ROBO2: variants seen among roughly 807,000 people sequenced by gnomAD.
The protein encoded by ROBO2 is roundabout homolog 2.
A neutral mutation model predicts 160.8 loss-of-function variants in ROBO2; 53 were observed. That is an observed-to-expected ratio of 0.33 (90% CI 0.26 to 0.41). The LOEUF is 0.41. Among genes scored for constraint, ROBO2 ranks in the 10% least tolerant of loss-of-function variants. The pLI, the probability that ROBO2 is intolerant of heterozygous loss-of-function variation, is 1.00. For missense variants in ROBO2, 1,577 were observed against 1,722.4 expected, an observed-to-expected ratio of 0.92 and a Z score of 1.49; for synonymous variants, 664 against 611.7, an observed-to-expected ratio of 1.09 and a Z score of -1.26.
chr3:76,069,507 A>ACAG (rs2068372834), intron 2 of ROBO2, among the ~76,000 whole-genome samples: 1 of 146,636 alleles, frequency 6.8e-6, no homozygotes, highest in African/African-American at 2.5e-5. Context: ...ATGAAGCCAG[A>ACAG]CAGCAGGCTT....
chr3:75,962,922 T>G (rs1037335499), intron 2 of ROBO2, among the ~76,000 whole-genome samples: 2 of 151,966 alleles, frequency 1.3e-5, no homozygotes, highest in African/African-American at 4.8e-5. Context: ...AGGTAGATTA[T>G]TTGAATGACT....
intron 2 of ROBO2, among the ~76,000 whole-genome samples, chr3:76,497,774 G>C (rs1225468079): frequency 6.6e-6 from 1 of 152,134 alleles, no homozygotes; most frequent in Admixed American, 6.5e-5. Flanking sequence ...TCCCAAACAG[G>C]AAATAATTCT....
intron 2 of ROBO2, among the ~76,000 whole-genome samples, chr3:76,707,633 AAGACCC>A (rs1468467036): frequency 1.3e-5 from 2 of 151,206 alleles, no homozygotes; most frequent in Non-Finnish European, 2.9e-5. Context: ...CCTAAATACT[AAGACCC>A]ATGGGATTTT....
intron 2 of ROBO2, among the ~76,000 whole-genome samples, chr3:77,256,561 A>T (rs2153320265): frequency 6.6e-6 from 1 of 152,316 alleles, no homozygotes; most frequent in East Asian, 1.9e-4. Context: ...TTCAGCAGAA[A>T]CATCTTGACA....
chr3:76,453,367 A>G (rs2077575396), intron 2 of ROBO2, among the ~76,000 whole-genome samples: 1 of 152,222 alleles, frequency 6.6e-6, no homozygotes, highest in South Asian at 2.1e-4. Flanking sequence ...GGTGTAAGGA[A>G]GCGATCCAGT....
At chr3:76,291,682 C>T (rs1708812031) in intron 2 of ROBO2, among the ~76,000 whole-genome samples, 2 of 152,178 alleles carry the variant, frequency 1.3e-5, no homozygotes, top group Admixed American at 1.3e-4. Context: ...TTCCTATTAA[C>T]ACTGCTTTAG....
intron 2 of ROBO2, among the ~76,000 whole-genome samples, chr3:77,100,628 C>T (rs2071782780): frequency 2.0e-5 from 3 of 151,828 alleles, no homozygotes; most frequent in South Asian, 2.1e-4. Context: ...TAATAGAAGG[C>T]GGATATCCAC....
chr3:77,499,451 C>T (rs2087230484), intron 5 of ROBO2, among the ~76,000 whole-genome samples: 2 of 151,996 alleles, frequency 1.3e-5, no homozygotes, highest in South Asian at 4.1e-4. Flanking sequence ...ACAATGGATG[C>T]ACATACATGG....
chr3:76,071,917 C>T (rs1437057208), intron 2 of ROBO2, among the ~76,000 whole-genome samples: 2 of 152,022 alleles, frequency 1.3e-5, no homozygotes, highest in Admixed American at 1.3e-4. Flanking sequence ...TCACTTTCTT[C>T]TTCATGTAAC....
At chr3:76,205,764 T>G (rs1371549900) in intron 2 of ROBO2, among the ~76,000 whole-genome samples, 1 of 152,138 alleles carries the variant, frequency 6.6e-6, no homozygotes, top group Non-Finnish European at 1.5e-5. Context: ...TGTTCACGGA[T>G]CTAAGAGTAT....
chr3:76,822,930 CA>C (rs1183178376), intron 2 of ROBO2, among the ~76,000 whole-genome samples: 1 of 151,846 alleles, frequency 6.6e-6, no homozygotes, highest in African/African-American at 2.4e-5. Context: ...ACAGGAAAAA[CA>C]AGGTATTTTT....
At chr3:76,803,429 A>AGGG (rs2064387704) in intron 2 of ROBO2, among the ~76,000 whole-genome samples, 2 of 142,420 alleles carry the variant, frequency 1.4e-5, no homozygotes, top group Non-Finnish European at 3.1e-5. Flanking sequence ...AGGATACAAA[A>AGGG]GAGGAGGAAG....
chr3:77,067,403 A>G (rs923223571), intron 1 of ROBO2, among the ~76,000 whole-genome samples: 1 of 152,302 alleles, frequency 6.6e-6, no homozygotes, highest in South Asian at 2.1e-4. Flanking sequence ...ACAAAAGTTA[A>G]GTCAGCAGAC....
At chr3:76,231,729 G>A (rs148185102) in intron 2 of ROBO2, among the ~76,000 whole-genome samples, 1 of 152,272 alleles carries the variant, frequency 6.6e-6, no homozygotes, top group African/African-American at 2.4e-5. Context: ...AAGAAACAAG[G>A]ATGAAGCAAT....
intron 2 of ROBO2, among the ~76,000 whole-genome samples, chr3:76,635,939 C>T (rs1553847353): frequency 6.6e-6 from 1 of 152,300 alleles, no homozygotes; most frequent in East Asian, 1.9e-4. Context: ...AGCATCAGCC[C>T]AGCCTGCTAG....
chr3:76,822,633 T>C (rs564677119), intron 2 of ROBO2, among the ~76,000 whole-genome samples: 78 of 151,942 alleles, frequency 5.1e-4, no homozygotes, highest in African/African-American at 1.8e-3. Flanking sequence ...TCATGATGAA[T>C]GATCATTTTC....
chr3:77,568,914 T>C (rs2093564882), intron 13 of ROBO2, among the ~76,000 whole-genome samples: 1 of 152,010 alleles, frequency 6.6e-6, no homozygotes, highest in Admixed American at 6.6e-5. Context: ...CAATATGTGG[T>C]CTTTTGTGTC....
At chr3:76,130,393 T>TA (rs1156970314) in intron 2 of ROBO2, among the ~76,000 whole-genome samples, 1 of 152,102 alleles carries the variant, frequency 6.6e-6, no homozygotes, top group Non-Finnish European at 1.5e-5. Context: ...GGAAAATATT[T>TA]CTCCATAAAA....
At chr3:77,095,419 G>A (rs1207611868) in intron 1 of ROBO2, among the ~76,000 whole-genome samples, 1 of 151,730 alleles carries the variant, frequency 6.6e-6, no homozygotes, top group African/African-American at 2.4e-5. Flanking sequence ...CATATTTCAG[G>A]TCTTATTCAG....
Sources: allele counts gnomAD v4.1 joint callset (sites outside exome capture counted in the v4.1 genomes callset), GRCh38; gene constraint gnomAD v4.1.1; transcripts MANE v1.5; gene names NCBI Gene and HGNC (gene_info 2026-07-23, HGNC 2026-07-21).